The following TMEM258 variants were observed in gnomAD, a reference collection of about 807,000 sequenced individuals.
TMEM258 encodes dolichyl-diphosphooligosaccharide--protein glycosyltransferase subunit TMEM258.
Under a neutral mutation model 9.9 loss-of-function variants are expected in TMEM258, and 11 were observed. The ratio of observed to expected loss-of-function variants is 1.11; its 90% confidence interval spans 0.70 to 1.85. The LOEUF (loss-of-function observed/expected upper bound fraction) is 1.85, where lower values mean the gene tolerates loss of function less well. Ranked by LOEUF, TMEM258 falls within the 40% of genes most tolerant of loss-of-function variation. The probability of loss-of-function intolerance (pLI) is 0.00; values close to 1 mark genes in which losing one functional copy is unlikely to be tolerated. For missense variants in TMEM258, 81 were observed against 99.7 expected, an observed-to-expected ratio of 0.81 and a Z score of 0.80; for synonymous variants, 40 against 39.1, an observed-to-expected ratio of 1.02 and a Z score of -0.09.
In TMEM258 at chr11:61,790,550, G is replaced by C. The variant is rs2066776825; in HGVS notation, c.56C>G (p.Pro19Arg). Residue 19 changes from proline to arginine, a missense_variant, in exon 2 of 4, where the codon CCC (proline) becomes CGC (arginine). Coordinates refer to ENST00000537328, the MANE Select transcript of TMEM258 (RefSeq NM_014206.4). ...YTSPVNPAVF[P>R]HLTVVLLAIG... Reference sequence around the variant, plus strand: ...GGCCAAAAGCACCACGGTCAGATGGGGGAAGACAGCTGGGTTCACTGGGCT... The same window carrying C: ...GGCCAAAAGCACCACGGTCAGATGGCGGAAGACAGCTGGGTTCACTGGGCT... 3 of 1,614,174 alleles carry C rather than the reference G, an allele frequency of 1.9e-6. No homozygotes were observed. The highest frequency in any genetic ancestry group is 2.5e-6 in the Non-Finnish European group (3 of 1,180,018).
intron 1 of TMEM258, chr11:61,792,180 C>T: frequency 3.1e-6 from 1 of 317,910 alleles, no homozygotes; most frequent in South Asian, 2.8e-5. Flanking sequence ...GTGGGCGCTC[C>T]TAGGAAAGTC....
At position 61,792,474 on chromosome 11, in the gene TMEM258, C is replaced by A. The variant is rs769069812; in HGVS notation, c.3+82G>T. 4.4e-6 allele frequency: 7 copies of A among 1,586,082 alleles called. No homozygotes were observed. In the African/African-American group the frequency reaches 6.7e-5, roughly 15 times the overall value. Reference sequence around the variant, plus strand: ...AGCGTCTAGCCCTCTGGATCTCCGGCGTCTGAGGAGATAAGCGCGGTGTGG... The same window carrying A: ...AGCGTCTAGCCCTCTGGATCTCCGGAGTCTGAGGAGATAAGCGCGGTGTGG... On this transcript the variant is annotated intron_variant, in intron 1 of 3. Coordinates refer to ENST00000537328, the MANE Select transcript of TMEM258 (RefSeq NM_014206.4).
chr11:61,789,541 A>C (rs2066765429), intron 3 of TMEM258, among the ~76,000 whole-genome samples: 1 of 152,242 alleles, frequency 6.6e-6, no homozygotes, highest in South Asian at 2.1e-4. Flanking sequence ...TACATCCCAA[A>C]GGCAGATCGA....
intron 2 of TMEM258, chr11:61,790,228 T>A (rs1053601830): frequency 2.3e-5 from 13 of 571,652 alleles, no homozygotes; most frequent in Non-Finnish European, 4.0e-5. Context: ...CCTTTCCAAC[T>A]GTAGCACCCC....
chr11:61,792,547 C>G lies in TMEM258; in HGVS notation c.3+9G>C. The G allele has an allele frequency of 6.2e-7, 1 of 1,613,934 alleles. No individual in the cohort carries two copies. Among genetic ancestry groups the G allele is most frequent in the Non-Finnish European group, 8.5e-7 (1 of 1,179,954 alleles). On this transcript the variant is annotated intron_variant, in intron 1 of 3. Coordinates refer to ENST00000537328, the MANE Select transcript of TMEM258 (RefSeq NM_014206.4). Reference sequence around the variant, plus strand: ...CATCTCCGTCTGGAACTCCCCTCAACGCTCTCACCATTTTGCCCCGCGAAG... The same window carrying G: ...CATCTCCGTCTGGAACTCCCCTCAAGGCTCTCACCATTTTGCCCCGCGAAG...
chr11:61,791,031 A>G (rs1010954270), intron 1 of TMEM258, among the ~76,000 whole-genome samples: 5 of 152,040 alleles, frequency 3.3e-5, no homozygotes, highest in Non-Finnish European at 5.9e-5. Flanking sequence ...GGCTCACTGC[A>G]ACCTCTGCCT....
intron 1 of TMEM258, among the ~76,000 whole-genome samples, chr11:61,791,296 C>T (rs2066782752): frequency 6.6e-6 from 1 of 151,708 alleles, no homozygotes; most frequent in Admixed American, 6.6e-5. Context: ...CTCTATCGCC[C>T]AGGCTGGAGT....
Position 61,789,760 on chromosome 11 carries a change from G to A in TMEM258, c.*10+25C>T, listed in dbSNP as rs1162258426. The A allele has an allele frequency of 1.0e-5, 16 of 1,592,128 alleles. No homozygotes were observed. In the East Asian group the frequency reaches 2.0e-4, roughly 20 times the overall value. ...CCTGGGCTGTGCCTTGGAGGCTCAC[G>A]CATCCATCCCATTGCAGCTCTTACC... On this transcript the variant is annotated intron_variant, in intron 3 of 3. Transcript: ENST00000537328.
At chr11:61,791,919 A>G (rs556793519) in intron 1 of TMEM258, 1 of 152,670 alleles carries the variant, frequency 6.6e-6, no homozygotes, top group South Asian at 2.0e-4. Flanking sequence ...TAGAGAAGTA[A>G]ACTGCCCCCA....
chr11:61,791,281 T>C (rs1435562143), intron 1 of TMEM258, among the ~76,000 whole-genome samples: 2 of 151,294 alleles, frequency 1.3e-5, no homozygotes, highest in East Asian at 2.0e-4. Flanking sequence ...TTCCAGACAG[T>C]CTTGCTCTAT....
At chr11:61,790,469 T>C in intron 2 of TMEM258, 24 bp downstream of exon 2, 1 of 1,604,106 alleles carries the variant, frequency 6.2e-7, no homozygotes. Flanking sequence ...ATGCTGGTCC[T>C]CTGGCTGCTC....
chr11:61,789,056 G>C lies in TMEM258; in HGVS notation c.*190C>G, dbSNP rs1042381580. 6.6e-6 allele frequency: 1 copy of C among 152,596 alleles called. No homozygotes were observed. The highest frequency in any genetic ancestry group is 1.5e-5 in the Non-Finnish European group (1 of 68,128). 9.5% of individuals were successfully genotyped at this position (152,596 alleles called of 1,614,324 possible). ...ACTGTGAAAGGCAGATGAGAAATGG[G>C]AAAGGGAAGAGATTGGGGAAGCAAT... is the stretch of plus-strand genomic sequence containing the variant. On this transcript the variant is annotated 3_prime_UTR_variant, in exon 4 of 4. Transcript: ENST00000537328.
intron 1 of TMEM258, among the ~76,000 whole-genome samples, chr11:61,790,990 C>T (rs36203060): frequency 6.6e-6 from 1 of 152,054 alleles, no homozygotes; most frequent in South Asian, 2.1e-4. Context: ...CTCACTCTGT[C>T]GCCCGGGCTG....
intron 1 of TMEM258, 148 bp downstream of exon 1, chr11:61,792,408 T>C: frequency 8.7e-7 from 1 of 1,150,858 alleles, no homozygotes; most frequent in Non-Finnish European, 1.3e-6. Context: ...GCAAGGGGCT[T>C]CCCCCTTCCC....
rs1485186259 is a variant in TMEM258 at position 61,789,843 on chromosome 11, C to A, written c.192G>T (p.Met64Ile). ...GCAGCAGGAAGAGGACTCCAAAGCC[C>A]ATGAAGAGTGAGGCCACTAAGGAGA... ...LLISLVASLF[M>I]GFGVLFLLLW... Residue 64 changes from methionine (M) to isoleucine (I), a missense_variant, in exon 3 of 4, where the codon ATG becomes ATT. Transcript: ENST00000537328. 1 of 1,613,738 alleles carries A rather than the reference C, an allele frequency of 6.2e-7. No individual in the cohort carries two copies. The highest frequency in any genetic ancestry group is 8.5e-7 in the Non-Finnish European group (1 of 1,179,836).
Position 61,789,154 on chromosome 11 carries a change from A to G in TMEM258, c.*92T>C, listed in dbSNP as rs2066761689. 6.5e-6 allele frequency: 1 copy of G among 152,820 alleles called. No individual in the cohort carries two copies. Among genetic ancestry groups the G allele is most frequent in the Non-Finnish European group, 1.5e-5 (1 of 68,160 alleles). The allele number at this position is 152,820 out of a possible 1,614,324, so 9.5% of individuals were successfully genotyped here. A position where few individuals can be genotyped will look rare whatever the true frequency, so the allele number is the denominator to read the frequency against. The stretch of plus-strand genomic sequence containing the variant: ...CTGCTATACATCTGCATTTATTATG[A>G]GCAGCAGGTGGGACACTTCCAGCAA... On this transcript the variant is annotated 3_prime_UTR_variant, in exon 4 of 4. Transcript: ENST00000537328.
chr11:61,792,279 T>G, intron 1 of TMEM258: 1 of 502,388 alleles, frequency 2.0e-6, no homozygotes, highest in Non-Finnish European at 3.6e-6. Context: ...CAGAAGAACT[T>G]TCCAAATAAA....
chr11:61,790,658 G>A (rs2066777506), intron 1 of TMEM258, 56 bp from the exon 2 acceptor site: 1 of 1,485,194 alleles, frequency 6.7e-7, no homozygotes, highest in South Asian at 1.2e-5. Context: ...TCAGCCTGGA[G>A]AGAACATGCG....
In TMEM258 at chr11:61,790,486, A is replaced by G. The variant is rs772066306; in HGVS notation, c.113+7T>C. ...GCTGGTCCTCTGGCTGCTCAGTGAA[A>G]GGATACACGAAGAACCAGGCGGTGA... On this transcript the variant is annotated splice_region_variant and intron_variant, in intron 2 of 3. Transcript: ENST00000537328. The G allele has an allele frequency of 1.2e-6, 2 of 1,612,670 alleles. No individual in the cohort carries two copies. The highest frequency in any genetic ancestry group is 8.5e-7 in the Non-Finnish European group (1 of 1,179,142).
Sources: allele counts gnomAD v4.1 joint callset (sites outside exome capture counted in the v4.1 genomes callset), GRCh38; gene constraint gnomAD v4.1.1; transcripts MANE v1.5; gene names NCBI Gene and HGNC (gene_info 2026-07-23, HGNC 2026-07-21).